Variants in CEP63 observed in about 807,000 individuals in gnomAD.
The protein encoded by CEP63 is centrosomal protein of 63 kDa.
A neutral mutation model predicts 89.1 loss-of-function variants in CEP63; 84 were observed. The observed-to-expected ratio is 0.94, with a 90% CI of 0.79 to 1.13. The LOEUF (loss-of-function observed/expected upper bound fraction) is 1.13. Among genes scored for constraint, CEP63 ranks in the 50% most tolerant of loss-of-function variants. The pLI is 0.00. For synonymous variants in CEP63, 267 were observed against 272.5 expected (o/e 0.98, Z 0.20); for missense variants, 838 against 813.3 (o/e 1.03, Z -0.37).
At chr3:134,629,604 A>C in the CEP63 span, 1 of 1,583,518 alleles carries the variant, frequency 6.3e-7, no homozygotes, top group Non-Finnish European at 8.6e-7. Context: ...CACCATGAGT[A>C]CCTGTGTCAT....
rs1253930720 is a variant in CEP63 at position 134,551,587 on chromosome 3, A to G, written c.1381-339A>G. ...AAATTGGAGGAGGCCAGCACAGGAG[A>G]ATGGGTAGGGATTTAAGGGGTTCAG... On this transcript the variant is annotated intron_variant, in intron 11 of 14. Transcript: ENST00000675561. Among the ~76,000 whole-genome samples the G allele has an allele frequency of 1.1e-4, 17 of 151,970 alleles. No individual in the cohort carries two copies. In the East Asian group the frequency reaches 3.3e-3, roughly 29 times the overall value.
chr3:134,530,408 G>A (rs889467334), intron 3 of CEP63, among the ~76,000 whole-genome samples: 3 of 152,036 alleles, frequency 2.0e-5, no homozygotes, highest in African/African-American at 7.2e-5. Context: ...TTATATTTTT[G>A]TGGGAATCAT....
At chr3:134,778,022 T>G in the CEP63 span, among the ~76,000 whole-genome samples, 9 of 152,232 alleles carry the variant, frequency 5.9e-5, no homozygotes, top group African/African-American at 2.2e-4. Flanking sequence ...TTCTCTCATT[T>G]GTTCTGCAAG....
chr3:134,547,631 A>G (rs1258013279), intron 9 of CEP63, among the ~76,000 whole-genome samples, 159 bp downstream of exon 9: 2 of 14,552 alleles, frequency 1.4e-4, no homozygotes, highest in African/African-American at 1.9e-4. Flanking sequence ...TTTTTTTTTG[A>G]GACGGAGTCC....
At chr3:134,525,816 G>A (rs769756594) in intron 3 of CEP63, among the ~76,000 whole-genome samples, 11 of 152,170 alleles carry the variant, frequency 7.2e-5, no homozygotes, top group Admixed American at 2.0e-4. Flanking sequence ...CCATTAGTCT[G>A]ATATTCCCTT....
At chr3:134,645,739 G>C in the CEP63 span, among the ~76,000 whole-genome samples, 1 of 152,160 alleles carries the variant, frequency 6.6e-6, no homozygotes, top group Non-Finnish European at 1.5e-5. Flanking sequence ...AGTTCTCATG[G>C]TGGTTTTGCA....
intron 14 of CEP63, among the ~76,000 whole-genome samples, chr3:134,560,438 G>A (rs919523893): frequency 1.3e-5 from 2 of 152,218 alleles, no homozygotes; most frequent in Non-Finnish European, 2.9e-5. Flanking sequence ...TTGAGTGACC[G>A]ACTTGCACAA....
the CEP63 span, among the ~76,000 whole-genome samples, chr3:134,661,386 C>G: frequency 6.6e-6 from 1 of 152,188 alleles, no homozygotes; most frequent in Admixed American, 6.5e-5. Flanking sequence ...CATTCAGTTA[C>G]CCCCCTCCCC....
chr3:134,701,312 A>ATATATACGTATATGTG, the CEP63 span, among the ~76,000 whole-genome samples: 16 of 24,850 alleles, frequency 6.4e-4, no homozygotes, highest in African/African-American at 1.4e-3. Context: ...ATACGTATAT[A>ATATATACGTATATGTG]TGTGTATATA....
the CEP63 span, among the ~76,000 whole-genome samples, chr3:134,680,438 A>G: frequency 6.6e-6 from 1 of 152,222 alleles, no homozygotes; most frequent in African/African-American, 2.4e-5. Context: ...TGTGAAGCAC[A>G]TTGATGAGGC....
intron 10 of CEP63, among the ~76,000 whole-genome samples, chr3:134,581,891 G>A (rs1409971824): frequency 1.3e-5 from 2 of 151,474 alleles, no homozygotes; most frequent in African/African-American, 4.9e-5. Flanking sequence ...TAGCCAGGAT[G>A]GTCTCGATCT....
the CEP63 span, among the ~76,000 whole-genome samples, chr3:134,669,641 T>G: frequency 6.6e-6 from 1 of 152,184 alleles, no homozygotes; most frequent in Admixed American, 6.5e-5. Context: ...TTATTTTACT[T>G]ATTGAGGAGG....
At chr3:134,751,679 G>GCT in the CEP63 span, among the ~76,000 whole-genome samples, 33 of 152,126 alleles carry the variant, frequency 2.2e-4, no homozygotes, top group African/African-American at 8.0e-4. Context: ...TGGGGGAAGG[G>GCT]GTAGGTATGT....
At chr3:134,680,117 T>C in the CEP63 span, among the ~76,000 whole-genome samples, 1 of 152,164 alleles carries the variant, frequency 6.6e-6, no homozygotes, top group South Asian at 2.1e-4. Context: ...AAGACAGCCA[T>C]GTGCAAGCCA....
intron 2 of CEP63, 118 bp from the exon 3 acceptor site, chr3:134,506,991 A>G (rs2108414432): frequency 1.5e-6 from 1 of 648,926 alleles, no homozygotes; most frequent in African/African-American, 1.8e-5. Flanking sequence ...AATTTACATT[A>G]ATGTCATTTA....
chr3:134,538,533 G>GTATATATATA (rs1404514000), intron 6 of CEP63, among the ~76,000 whole-genome samples: 236 of 101,168 alleles, frequency 2.3e-3, no homozygotes, highest in Middle Eastern at 5.0e-3. Flanking sequence ...GTGTGTGTGT[G>GTATATATATA]TATATATATA....
chr3:134,606,836 C>A, the CEP63 span, among the ~76,000 whole-genome samples: 1 of 151,746 alleles, frequency 6.6e-6, no homozygotes, highest in African/African-American at 2.4e-5. Context: ...CTCCCCTCTC[C>A]CCTCCACGGC....
chr3:134,660,206 C>T, the CEP63 span, among the ~76,000 whole-genome samples: 2 of 152,240 alleles, frequency 1.3e-5, no homozygotes, highest in South Asian at 2.1e-4. Context: ...TGTGGCCTGC[C>T]GGTCCCCTCC....
At chr3:134,716,142 G>C in the CEP63 span, among the ~76,000 whole-genome samples, 1 of 152,036 alleles carries the variant, frequency 6.6e-6, no homozygotes, top group Non-Finnish European at 1.5e-5. Flanking sequence ...CTCATTTACT[G>C]ACTGATCAAT....
Sources: allele counts gnomAD v4.1 joint callset (sites outside exome capture counted in the v4.1 genomes callset), GRCh38; gene constraint gnomAD v4.1.1; transcripts MANE v1.5; gene names NCBI Gene and HGNC (gene_info 2026-07-23, HGNC 2026-07-21).